REEP1: variants seen among roughly 807,000 people sequenced by gnomAD.
The protein encoded by REEP1 is receptor accessory protein 1, also known as receptor expression-enhancing protein 1.
Under a neutral mutation model 40.3 loss-of-function variants are expected in REEP1, and 22 were observed. That is an observed-to-expected ratio of 0.55 (90% CI 0.39 to 0.78). The LOEUF (loss-of-function observed/expected upper bound fraction) is 0.78, where lower values mean the gene tolerates loss of function less well. Among genes scored for constraint, REEP1 ranks in the 30% least tolerant of loss-of-function variants. The pLI is 0.00. For synonymous variants in REEP1, 116 were observed against 139.2 expected (o/e 0.83, Z 1.17); for missense variants, 280 against 361.1 (o/e 0.78, Z 1.82).
chr2:86,228,909 T>C (rs774164348), intron 6 of REEP1, among the ~76,000 whole-genome samples: 3 of 152,238 alleles, frequency 2.0e-5, no homozygotes, highest in African/African-American at 4.8e-5. Context: ...CTTTGCATGA[T>C]AGGCATATAT....
chr2:86,270,485 G>A (rs560616502), intron 2 of REEP1, among the ~76,000 whole-genome samples: 70 of 152,156 alleles, frequency 4.6e-4, no homozygotes, highest in African/African-American at 1.3e-3. Flanking sequence ...GTGAGCCACC[G>A]TGCCCAGCCA....
chr2:86,299,348 G>A (rs2104452519), intron 1 of REEP1, among the ~76,000 whole-genome samples: 1 of 152,214 alleles, frequency 6.6e-6, no homozygotes, highest in South Asian at 2.1e-4. Flanking sequence ...ATTATCCCTG[G>A]GCTTTAACTA....
intron 1 of REEP1, among the ~76,000 whole-genome samples, chr2:86,300,569 CAGAG>C (rs144711675): frequency 1.1e-4 from 17 of 152,252 alleles, no homozygotes; most frequent in African/African-American, 4.1e-4. Context: ...ACCAGACACA[CAGAG>C]AGAGTCGAGC....
chr2:86,327,886 G>C (rs1680590031), intron 1 of REEP1, among the ~76,000 whole-genome samples: 1 of 152,030 alleles, frequency 6.6e-6, no homozygotes, highest in African/African-American at 2.4e-5. Context: ...ATTTTAATGA[G>C]ATCACCGGAG....
intron 7 of REEP1, among the ~76,000 whole-genome samples, chr2:86,226,788 G>C (rs761538198): frequency 6.6e-6 from 1 of 152,006 alleles, no homozygotes; most frequent in Non-Finnish European, 1.5e-5. Flanking sequence ...GTGGTTTTAA[G>C]ATATCTCCAC....
chr2:86,271,035 TATA>T (rs35667712), intron 2 of REEP1, among the ~76,000 whole-genome samples: 64,005 of 151,354 alleles, frequency 0.42, 13,909 homozygotes, highest in East Asian at 0.58. Flanking sequence ...CTACTAAAAA[TATA>T]ATAATTAGCT....
chr2:86,228,351 G>A lies in REEP1; in HGVS notation c.596-953C>T, dbSNP rs188780805. 7.2e-4 allele frequency among the ~76,000 whole-genome samples: 110 copies of A among 152,022 alleles called. 1 individual carries two copies. Among genetic ancestry groups the A allele is most frequent in the African/African-American group, 2.5e-3 (102 of 41,444 alleles). On this transcript the variant is annotated intron_variant, in intron 6 of 8. Transcript: ENST00000538924. ...CTTTGTGCCCCTTCCTCCCTTCCTC[G>A]TTTGTGTGCATCTTCCTCCCTTTTC...
intron 1 of REEP1, among the ~76,000 whole-genome samples, chr2:86,301,896 T>C (rs1252147249): frequency 6.6e-6 from 1 of 152,196 alleles, no homozygotes; most frequent in African/African-American, 2.4e-5. Flanking sequence ...AAAACCCACA[T>C]TTGCTGCTGG....
intron 5 of REEP1, among the ~76,000 whole-genome samples, chr2:86,250,005 T>A (rs1038919977): frequency 6.6e-6 from 1 of 152,254 alleles, no homozygotes; most frequent in Non-Finnish European, 1.5e-5. Flanking sequence ...AGTTATTTCC[T>A]GAGGCAACTT....
Position 86,289,639 on chromosome 2 carries a change from C to T in REEP1, c.33-7397G>A, listed in dbSNP as rs188915325. Reference sequence around the variant, plus strand: ...TAAAATTTACTAGAAGAATCACCATCTTTATGGTTTCAAGTTTCCTCTTTG... The same window carrying T: ...TAAAATTTACTAGAAGAATCACCATTTTTATGGTTTCAAGTTTCCTCTTTG... On this transcript the variant is annotated intron_variant, in intron 1 of 8. Transcript: ENST00000538924. Among the ~76,000 whole-genome samples the T allele has an allele frequency of 1.8e-4, 27 of 152,306 alleles. No individual in the cohort carries two copies. The East Asian group carries it at 3.9e-3, about 22-fold the overall frequency.
chr2:86,292,356 T>G (rs1028469492), intron 1 of REEP1, among the ~76,000 whole-genome samples: 1 of 152,182 alleles, frequency 6.6e-6, no homozygotes, highest in Non-Finnish European at 1.5e-5. Context: ...CACAAAATGT[T>G]TTTCATTCAA....
intron 8 of REEP1, among the ~76,000 whole-genome samples, chr2:86,218,574 A>G (rs2103954917): frequency 6.6e-6 from 1 of 152,368 alleles, no homozygotes; most frequent in East Asian, 1.9e-4. Context: ...GTGAACTGTA[A>G]ACAGTAAAGC....
chr2:86,319,320 G>C (rs972294740), intron 1 of REEP1, among the ~76,000 whole-genome samples: 1 of 152,146 alleles, frequency 6.6e-6, no homozygotes, highest in Non-Finnish European at 1.5e-5. Flanking sequence ...ACTGACCCAG[G>C]GCATCCTTCT....
At chr2:86,250,225 T>C (rs139899816) in intron 5 of REEP1, among the ~76,000 whole-genome samples, 2,684 of 152,288 alleles carry the variant, frequency 0.018, 34 homozygotes, top group South Asian at 0.038. Context: ...CACGCAGCTG[T>C]GCCACCAGGT....
rs1398121807 is a variant in REEP1 at position 86,257,659 on chromosome 2, CAG to C, written c.183-2847_183-2846del. On this transcript the variant is annotated intron_variant, in intron 3 of 8. Coordinates refer to ENST00000538924, the MANE Select transcript of REEP1 (RefSeq NM_001371279.1). ...ATCTTTTTTTTTTTTTTTTTTGAGA[CAG>C]AGTTTCACTCTGCTGCGCAGGCTGC... Among the ~76,000 whole-genome samples the C allele has an allele frequency of 2.1e-5, 3 of 144,256 alleles. 1 individual carries two copies. The highest frequency in any genetic ancestry group is 7.9e-5 in the African/African-American group (3 of 37,858). 94.6% of individuals were successfully genotyped at this position (144,256 alleles called of 152,430 possible). A position where few individuals can be genotyped will look rare whatever the true frequency, so the allele number is the denominator to read the frequency against.
At chr2:86,305,960 G>A (rs1270226521) in intron 1 of REEP1, among the ~76,000 whole-genome samples, 4 of 152,130 alleles carry the variant, frequency 2.6e-5, no homozygotes, top group South Asian at 4.1e-4. Context: ...TGGCTATTAC[G>A]AAAAAGGCTG....
At chr2:86,298,613 T>C (rs6547672) in intron 1 of REEP1, among the ~76,000 whole-genome samples, 132,906 of 152,232 alleles carry the variant, frequency 0.87, 58,407 homozygotes, top group East Asian at 0.96. Flanking sequence ...GGGCTGTTTC[T>C]ACCGTGTGGA....
In REEP1 at chr2:86,332,576, C is replaced by T. The variant is rs148942262; in HGVS notation, c.32+4903G>A. Among the ~76,000 whole-genome samples the T allele has an allele frequency of 7.2e-4, 110 of 152,212 alleles. 1 individual carries two copies. The East Asian group carries it at 0.019, about 26-fold the overall frequency. On this transcript the variant is annotated intron_variant, in intron 1 of 8. Transcript: ENST00000538924. ...CCTCATTCTCCCCAGGGCTCCTCCT[C>T]CCCCGACATAATACACCCTCCAAAA...
intron 5 of REEP1, among the ~76,000 whole-genome samples, chr2:86,247,557 TTTGTTG>T (rs369383483): frequency 3.4e-5 from 2 of 59,632 alleles, no homozygotes; most frequent in African/African-American, 6.4e-5. Context: ...AGAACTTCCT[TTTGTTG>T]TTGTTGTTGT....
Sources: allele counts gnomAD v4.1 joint callset (sites outside exome capture counted in the v4.1 genomes callset), GRCh38; gene constraint gnomAD v4.1.1; transcripts MANE v1.5; gene names NCBI Gene and HGNC (gene_info 2026-07-23, HGNC 2026-07-21).